Variants in DOCK3 observed in about 807,000 individuals in gnomAD.
DOCK3 encodes dedicator of cytokinesis 3, also known as dedicator of cytokinesis protein 3.
In DOCK3, 60 loss-of-function variants were observed where a neutral mutation model predicts 265.6. The observed-to-expected ratio is 0.23, with a 90% CI of 0.18 to 0.28. DOCK3 has a LOEUF of 0.28. Ranked by LOEUF, DOCK3 falls within the 10% of genes least tolerant of loss-of-function variation. DOCK3 has a pLI of 1.00. For missense variants in DOCK3, 1,981 were observed against 2,594.3 expected, an observed-to-expected ratio of 0.76 and a Z score of 5.14; for synonymous variants, 881 against 938.0, an observed-to-expected ratio of 0.94 and a Z score of 1.11.
At chr3:50,975,751 C>G (rs987770618) in intron 5 of DOCK3, among the ~76,000 whole-genome samples, 47 of 152,018 alleles carry the variant, frequency 3.1e-4, no homozygotes, top group African/African-American at 7.0e-4. Flanking sequence ...GGTAGAATTC[C>G]GCTGTGAATC....
intron 1 of DOCK3, among the ~76,000 whole-genome samples, chr3:50,707,335 G>T (rs564517222): frequency 6.6e-6 from 1 of 152,050 alleles, no homozygotes; most frequent in Admixed American, 6.5e-5. Flanking sequence ...TACCTGGGAG[G>T]CTGAGGCATG....
At chr3:50,909,648 T>G (rs1409047966) in intron 4 of DOCK3, among the ~76,000 whole-genome samples, 14 of 150,340 alleles carry the variant, frequency 9.3e-5, no homozygotes, top group East Asian at 3.9e-4. Context: ...AACGTTTTTT[T>G]TTTTTTTTTT....
chr3:51,161,171 A>G (rs1172490669), intron 12 of DOCK3, among the ~76,000 whole-genome samples: 4 of 148,534 alleles, frequency 2.7e-5, no homozygotes, highest in African/African-American at 5.0e-5. Context: ...TTGGCCGGGC[A>G]CGGTGGCTCA....
chr3:50,986,762 CA>C (rs2077917935), intron 5 of DOCK3, among the ~76,000 whole-genome samples: 1 of 152,126 alleles, frequency 6.6e-6, no homozygotes, highest in Non-Finnish European at 1.5e-5. Context: ...AGTATAAAAA[CA>C]ATATACTTTT....
At chr3:50,963,020 C>T (rs1028615055) in intron 5 of DOCK3, among the ~76,000 whole-genome samples, 11 of 152,116 alleles carry the variant, frequency 7.2e-5, no homozygotes, top group Non-Finnish European at 1.2e-4. Context: ...AACCCTGTCT[C>T]TACTAAATAT....
At chr3:51,336,846 A>G in intron 35 of DOCK3, 2 of 456,038 alleles carry the variant, frequency 4.4e-6, no homozygotes, top group Non-Finnish European at 8.8e-6. Context: ...TAAATGTTTC[A>G]GATGCTTTAT....
At chr3:50,766,019 G>A (rs2040851718) in intron 1 of DOCK3, among the ~76,000 whole-genome samples, 1 of 151,778 alleles carries the variant, frequency 6.6e-6, no homozygotes, top group Non-Finnish European at 1.5e-5. Flanking sequence ...GAAATAATAA[G>A]GTATTTGTCC....
chr3:50,928,175 C>T (rs1268127663), intron 4 of DOCK3, among the ~76,000 whole-genome samples: 1 of 149,530 alleles, frequency 6.7e-6, no homozygotes, highest in East Asian at 1.9e-4. Flanking sequence ...ACCATTTCAC[C>T]TCTTTAAGTG....
At chr3:51,068,153 A>G (rs2081674566) in intron 6 of DOCK3, among the ~76,000 whole-genome samples, 1 of 152,210 alleles carries the variant, frequency 6.6e-6, no homozygotes, top group Non-Finnish European at 1.5e-5. Flanking sequence ...TATTTCAGAA[A>G]CTAGTAATTG....
At chr3:51,259,652 A>G (rs2079748530) in intron 22 of DOCK3, among the ~76,000 whole-genome samples, 1 of 152,106 alleles carries the variant, frequency 6.6e-6, no homozygotes, top group Non-Finnish European at 1.5e-5. Flanking sequence ...GATTTCTGTG[A>G]CCCCTGGTGA....
At chr3:51,257,957 C>A (rs1265454365) in intron 22 of DOCK3, among the ~76,000 whole-genome samples, 1 of 152,198 alleles carries the variant, frequency 6.6e-6, no homozygotes, top group Non-Finnish European at 1.5e-5. Flanking sequence ...AGAGGGAAGT[C>A]AGGTACTCAG....
intron 5 of DOCK3, among the ~76,000 whole-genome samples, chr3:50,961,907 C>A (rs2076898532): frequency 6.6e-6 from 1 of 152,004 alleles, no homozygotes; most frequent in Admixed American, 6.6e-5. Flanking sequence ...ATTATCTGAG[C>A]CTTCTTATGG....
At chr3:51,313,926 T>C (rs1478667298) in intron 31 of DOCK3, among the ~76,000 whole-genome samples, 1 of 152,230 alleles carries the variant, frequency 6.6e-6, no homozygotes, top group Non-Finnish European at 1.5e-5. Flanking sequence ...AATTGGAATA[T>C]GCTGAACCAG....
chr3:51,013,791 A>G (rs1167099921), intron 5 of DOCK3, among the ~76,000 whole-genome samples: 2 of 152,172 alleles, frequency 1.3e-5, no homozygotes, highest in Admixed American at 1.3e-4. Flanking sequence ...GAATCTACAG[A>G]GACAGTCGGG....
intron 9 of DOCK3, among the ~76,000 whole-genome samples, chr3:51,121,111 C>T (rs1445883482): frequency 6.6e-6 from 1 of 152,156 alleles, no homozygotes; most frequent in Admixed American, 6.5e-5. Flanking sequence ...AAACCCAGGG[C>T]CCTTGTTGTG....
At chr3:50,750,196 T>C (rs1450767620) in intron 1 of DOCK3, among the ~76,000 whole-genome samples, 2 of 151,792 alleles carry the variant, frequency 1.3e-5, no homozygotes, top group Admixed American at 6.6e-5. Context: ...GTAGGGCAAT[T>C]TCATCCTCAA....
intron 1 of DOCK3, among the ~76,000 whole-genome samples, chr3:50,733,955 TAAC>T (rs986546775): frequency 3.9e-5 from 6 of 152,196 alleles, no homozygotes; most frequent in Non-Finnish European, 8.8e-5. Context: ...TTATAGGTGA[TAAC>T]AACTCAACTC....
chr3:50,707,192 C>A (rs1301731114), intron 1 of DOCK3, among the ~76,000 whole-genome samples: 1 of 151,780 alleles, frequency 6.6e-6, no homozygotes, highest in East Asian at 1.9e-4. Flanking sequence ...TTTGAAACTT[C>A]TTTTCAAAAT....
chr3:51,367,248 CTTCT>C (rs1320735860), intron 49 of DOCK3, among the ~76,000 whole-genome samples: 2 of 152,034 alleles, frequency 1.3e-5, no homozygotes, highest in African/African-American at 4.8e-5. Flanking sequence ...ATGTAATGGC[CTTCT>C]TTATCTCTTT....
Sources: gnomAD v4.1 joint callset for allele counts (sites outside exome capture counted in the v4.1 genomes callset) on GRCh38, gnomAD v4.1.1 for gene constraint, MANE v1.5 for transcripts, NCBI Gene and HGNC (gene_info 2026-07-23, HGNC 2026-07-21) for gene names.